Variants in BCL2L11 observed in about 807,000 individuals in gnomAD.
BCL2L11 encodes the protein bcl-2-like protein 11.
A neutral mutation model predicts 20.6 loss-of-function variants in BCL2L11; 15 were observed. The ratio of observed to expected loss-of-function variants is 0.73; its 90% CI spans 0.49 to 1.12. The LOEUF is 1.12. Among genes scored for constraint, BCL2L11 ranks in the 50% most tolerant of loss-of-function variants. The pLI is 0.00. For missense variants in BCL2L11, 292 were observed against 260.9 expected, an observed-to-expected ratio of 1.12 and a Z score of -0.82; for synonymous variants, 108 against 92.8, an observed-to-expected ratio of 1.16 and a Z score of -0.94.
In BCL2L11 at chr2:111,165,697, G is replaced by A. The variant is rs1239908514; in HGVS notation, c.*1466G>A. 1 of 152,154 alleles carries A rather than the reference G, an allele frequency of 6.6e-6. No individual in the cohort carries two copies. Among genetic ancestry groups the A allele is most frequent in the African/African-American group, 2.4e-5 (1 of 41,446 alleles). The allele number at this position is 152,154 out of a possible 1,614,324, so 9.4% of individuals were successfully genotyped here. On this transcript the variant is annotated 3_prime_UTR_variant, in exon 4 of 4. Coordinates refer to ENST00000393256, the MANE Select transcript of BCL2L11 (RefSeq NM_138621.5). Reference sequence around the variant, plus strand: ...CAAGAAAGAGTCAGGTTAGGGAGCAGTGAAAGTGAGGAGGGAAGACAATTC... The same window carrying A: ...CAAGAAAGAGTCAGGTTAGGGAGCAATGAAAGTGAGGAGGGAAGACAATTC...
At chr2:111,122,638 G>GC (rs2071352167) in intron 1 of BCL2L11, 3 of 984,014 alleles carry the variant, frequency 3.0e-6, no homozygotes, top group Non-Finnish European at 1.2e-6. Context: ...GAGGGGAGGA[G>GC]CGGGAGGAGG....
At chr2:111,150,890 G>T (rs2077170994) in intron 3 of BCL2L11, among the ~76,000 whole-genome samples, 1 of 119,298 alleles carries the variant, frequency 8.4e-6, no homozygotes. Context: ...ACTTTTGTTT[G>T]TTTGTTTGTT....
intron 2 of BCL2L11, 125 bp from the exon 3 acceptor site, chr2:111,149,919 C>T (rs1403014649): frequency 1.4e-6 from 1 of 713,412 alleles, no homozygotes; most frequent in Non-Finnish European, 2.3e-6. Flanking sequence ...TTGTTGAAGT[C>T]AGGGAGCTCC....
intron 2 of BCL2L11, among the ~76,000 whole-genome samples, chr2:111,124,969 A>C (rs967596092): frequency 6.6e-6 from 1 of 152,250 alleles, no homozygotes; most frequent in Non-Finnish European, 1.5e-5. Flanking sequence ...GATTAAAGGC[A>C]GTAGTAGGGT....
At chr2:111,138,012 CTTT>C (rs66601807) in intron 2 of BCL2L11, among the ~76,000 whole-genome samples, 9 of 127,138 alleles carry the variant, frequency 7.1e-5, no homozygotes, top group Non-Finnish European at 1.2e-4. Flanking sequence ...TTCTTTCTTT[CTTT>C]TTTTTTTTTT....
chr2:111,146,607 C>A (rs2076545134), intron 2 of BCL2L11, among the ~76,000 whole-genome samples: 1 of 152,152 alleles, frequency 6.6e-6, no homozygotes, highest in Non-Finnish European at 1.5e-5. Context: ...AAACTTAATT[C>A]TCGTGCTGAT....
intron 1 of BCL2L11, chr2:111,122,944 C>T (rs778799920): frequency 2.0e-5 from 20 of 985,346 alleles, no homozygotes; most frequent in African/African-American, 1.0e-4. Context: ...GTGTGATTGC[C>T]TTCTGAGGGG....
chr2:111,142,901 C>T (rs2076039064), intron 2 of BCL2L11, among the ~76,000 whole-genome samples: 1 of 152,122 alleles, frequency 6.6e-6, no homozygotes, highest in South Asian at 2.1e-4. Flanking sequence ...CATTTTAATT[C>T]TAAGGAATGG....
rs1008945510 is a variant in BCL2L11 at position 111,122,732 on chromosome 2, C to G, written c.-13-1001C>G. The G allele has an allele frequency of 1.5e-5, 15 of 983,878 alleles. No homozygotes were observed. In the African/African-American group the frequency reaches 2.6e-4, roughly 17 times the overall value. 60.9% of individuals were successfully genotyped at this position (983,878 alleles called of 1,614,324 possible). A position where few individuals can be genotyped will look rare whatever the true frequency, so the allele number is the denominator to read the frequency against. On this transcript the variant is annotated intron_variant, in intron 1 of 3. Transcript: ENST00000393256. ...GAGCCCTCGGCTGCCCGGCGGAGCG[C>G]GGCGGCGGGCTGGCGGGAAGGCGCG... is the stretch of plus-strand genomic sequence containing the variant.
intron 1 of BCL2L11, chr2:111,122,940 T>C (rs558128608): frequency 1.2e-5 from 12 of 985,444 alleles, no homozygotes; most frequent in East Asian, 2.3e-4. Context: ...TTCGGTGTGA[T>C]TGCCTTCTGA....
intron 2 of BCL2L11, among the ~76,000 whole-genome samples, chr2:111,137,279 C>T (rs2075062297): frequency 6.6e-6 from 1 of 152,204 alleles, no homozygotes; most frequent in Non-Finnish European, 1.5e-5. Context: ...CTGTGGTCAT[C>T]CTGCCTGTCA....
chr2:111,156,950 A>G (rs186141902), intron 3 of BCL2L11, among the ~76,000 whole-genome samples: 99 of 152,320 alleles, frequency 6.5e-4, no homozygotes, highest in Non-Finnish European at 4.9e-4. Context: ...TCACCTGTCT[A>G]TCTTTTAAAT....
chr2:111,137,303 G>T (rs2075065381), intron 2 of BCL2L11, among the ~76,000 whole-genome samples: 1 of 152,136 alleles, frequency 6.6e-6, no homozygotes, highest in Non-Finnish European at 1.5e-5. Flanking sequence ...GACTCGCTAT[G>T]AACCACCACC....
rs2078933253 is a variant in BCL2L11, at chr2:111,164,548, C to T, written c.*317C>T. ...TACATGCAGTGTGTTTTCCCCCTCA[C>T]CTTCAATAAGGTTTTTCAAAAAGGA... On this transcript the variant is annotated 3_prime_UTR_variant, in exon 4 of 4. Coordinates refer to ENST00000393256, the MANE Select transcript of BCL2L11 (RefSeq NM_138621.5). 6 of 211,382 alleles carry T rather than the reference C, an allele frequency of 2.8e-5. No homozygotes were observed. In the South Asian group the frequency reaches 7.7e-4, roughly 27 times the overall value. The allele number at this position is 211,382 out of a possible 1,614,324, so 13.1% of individuals were successfully genotyped here. A position where few individuals can be genotyped will look rare whatever the true frequency, so the allele number is the denominator to read the frequency against.
At chr2:111,143,739 C>T (rs2076149645) in intron 2 of BCL2L11, among the ~76,000 whole-genome samples, 1 of 152,294 alleles carries the variant, frequency 6.6e-6, no homozygotes, top group East Asian at 1.9e-4. Flanking sequence ...GGGATCACAG[C>T]TCAGTCTGGG....
At chr2:111,125,443 GAAGT>G (rs140116039) in intron 2 of BCL2L11, among the ~76,000 whole-genome samples, 2,472 of 152,280 alleles carry the variant, frequency 0.016, 63 homozygotes, top group African/African-American at 0.056. Flanking sequence ...GAACAAGATA[GAAGT>G]AAGTTGGTAG....
intron 2 of BCL2L11, among the ~76,000 whole-genome samples, chr2:111,137,696 C>T (rs1238644242): frequency 6.7e-6 from 1 of 148,974 alleles, no homozygotes; most frequent in Non-Finnish European, 1.5e-5. Flanking sequence ...GGGTTCATCA[C>T]AGCATTGTTT....
chr2:111,150,784 T>C (rs890916260), intron 3 of BCL2L11, among the ~76,000 whole-genome samples: 6 of 152,258 alleles, frequency 3.9e-5, no homozygotes, highest in Non-Finnish European at 7.3e-5. Flanking sequence ...AATTTTAGCC[T>C]ATGTCATCTT....
intron 2 of BCL2L11, chr2:111,144,394 A>G: frequency 7.3e-7 from 1 of 1,364,086 alleles, no homozygotes; most frequent in Non-Finnish European, 1.0e-6. Context: ...TGCTTATTTT[A>G]TTTCTGAGAA....
Sources: gnomAD v4.1 joint callset for allele counts (sites outside exome capture counted in the v4.1 genomes callset) on GRCh38, gnomAD v4.1.1 for gene constraint, MANE v1.5 for transcripts, NCBI Gene and HGNC (gene_info 2026-07-23, HGNC 2026-07-21) for gene names.